PLA2G15: variants seen among roughly 807,000 people sequenced by gnomAD.
The protein encoded by PLA2G15 is phospholipase A2 group XV.
In PLA2G15, 20 loss-of-function variants were observed where a neutral mutation model predicts 40.9. The ratio of observed to expected loss-of-function variants is 0.49; its 90% CI spans 0.34 to 0.71. The LOEUF (loss-of-function observed/expected upper bound fraction) is 0.71, where lower values mean the gene tolerates loss of function less well. Among genes scored for constraint, PLA2G15 ranks in the 30% least tolerant of loss-of-function variants. The pLI, the probability that PLA2G15 is intolerant of heterozygous loss-of-function variation, is 0.01. For synonymous variants in PLA2G15, 223 were observed against 228.2 expected, an observed-to-expected ratio of 0.98 and a Z score of 0.21; for missense variants, 471 against 541.9, an observed-to-expected ratio of 0.87 and a Z score of 1.30.
chr16:68,251,932 T>C (rs546497648), intron 2 of PLA2G15, among the ~76,000 whole-genome samples: 2 of 151,860 alleles, frequency 1.3e-5, no homozygotes, highest in South Asian at 4.2e-4. Context: ...CTGCCGGCTG[T>C]TTGTGATGCC....
intron 2 of PLA2G15, chr16:68,250,186 T>C: frequency 3.9e-6 from 1 of 255,632 alleles, no homozygotes; most frequent in Non-Finnish European, 7.8e-6. Context: ...TTTTTTTTTT[T>C]TTTTTTTTTT....
In PLA2G15 at chr16:68,245,526, G is replaced by A. The variant is rs1158031139; in HGVS notation, c.100G>A (p.Ala34Thr). Residue 34 changes from alanine (A) to threonine (T), a missense_variant, in exon 1 of 6, where the codon GCC (alanine) becomes ACC (threonine). Coordinates refer to ENST00000219345, the MANE Select transcript of PLA2G15 (RefSeq NM_012320.4). The stretch of plus-strand genomic sequence containing the variant: ...GCTGCTCGCGGACCCAGCGCTCCCG[G>A]CCGGACGTCACCCCCCAGTGGTGCT... ...LMLLADPALP[A>T]GRHPPVVLVP... is the part of the protein sequence containing the mutation. 5.0e-6 allele frequency: 8 copies of A among 1,592,056 alleles called. No individual in the cohort carries two copies. Among genetic ancestry groups the A allele is most frequent in the Non-Finnish European group, 6.0e-6 (7 of 1,174,094 alleles).
rs148885583 is a variant in PLA2G15 at position 68,255,891 on chromosome 16, C to T, written c.628C>T (p.Arg210Trp). The change falls in exon 5 of 6, where the codon CGG (arginine) becomes TGG (tryptophan). Residue 210 changes from arginine to tryptophan, a missense_variant. Coordinates refer to ENST00000219345, the MANE Select transcript of PLA2G15 (RefSeq NM_012320.4). The surrounding 1 kb of genome is among the most constrained non-coding windows in gnomAD (Gnocchi z 5.9). The stretch of plus-strand genomic sequence containing the variant: ...CATGTACACGCTCTACTTTCTGCAG[C>T]GGCAGCCGCAGGCCTGGAAGGACAA... ...GNMYTLYFLQ[R>W]QPQAWKDKYI... 266 of 1,613,490 alleles carry T rather than the reference C, an allele frequency of 1.6e-4. No homozygotes were observed. The highest frequency in any genetic ancestry group is 3.3e-4 in the South Asian group (30 of 91,084).
chr16:68,260,682 G>A lies in PLA2G15; in HGVS notation c.*1025G>A, dbSNP rs2042440630. On this transcript the variant is annotated 3_prime_UTR_variant, in exon 6 of 6. Coordinates refer to ENST00000219345, the MANE Select transcript of PLA2G15 (RefSeq NM_012320.4). Reference sequence around the variant, plus strand: ...AGCACCCAGCTTAGTGCTGGGACTAGCCCAGAAACTTGAATGGGACCCTGA... The same window carrying A: ...AGCACCCAGCTTAGTGCTGGGACTAACCCAGAAACTTGAATGGGACCCTGA... 1 of 152,358 alleles carries A rather than the reference G, an allele frequency of 6.6e-6. No individual in the cohort carries two copies. The highest frequency in any genetic ancestry group is 1.5e-5 in the Non-Finnish European group (1 of 68,140). 9.4% of individuals were successfully genotyped at this position (152,358 alleles called of 1,614,324 possible). A position where few individuals can be genotyped will look rare whatever the true frequency, so the allele number is the denominator to read the frequency against.
In PLA2G15 at chr16:68,255,346, C is replaced by G; in HGVS notation, c.468C>G (p.Val156=). The G allele has an allele frequency of 1.9e-6, 3 of 1,613,314 alleles. No homozygotes were observed. The highest frequency in any genetic ancestry group is 2.5e-6 in the Non-Finnish European group (3 of 1,179,618). The change falls in exon 4 of 6, where the codon GTC becomes GTG. Residue 156 remains valine (V), a synonymous_variant. Transcript: ENST00000219345. This position sits in a 1 kb window ranked among gnomAD's most constrained non-coding sequence, Gnocchi z 5.9. ...GGGGCTACACACGGGGTGAGGATGTCCGAGGGGCTCCCTATGACTGGCGCC... is the reference window on the plus strand; with the variant it reads ...GGGGCTACACACGGGGTGAGGATGTGCGAGGGGCTCCCTATGACTGGCGCC... ...VGWGYTRGED[V]RGAPYDWRRA...
At chr16:68,256,303 G>A (rs150354309) in intron 5 of PLA2G15, 26 of 270,916 alleles carry the variant, frequency 9.6e-5, no homozygotes, top group African/African-American at 4.2e-4. Context: ...GGGCGACTCC[G>A]ATGCGATGTG....
chr16:68,246,524 G>C (rs1394776494), intron 1 of PLA2G15, among the ~76,000 whole-genome samples: 1 of 152,216 alleles, frequency 6.6e-6, no homozygotes, highest in Non-Finnish European at 1.5e-5. Flanking sequence ...GGTAGAGTTG[G>C]CAGGTAGGGT....
Position 68,248,699 on chromosome 16 carries a change from A to G in PLA2G15, c.128-591A>G, listed in dbSNP as rs747769539. ...CCTGCGCCCTGCCTCGAAGGTATAT[A>G]TCTAATGACAAGGGCCTTGGCCAAA... On this transcript the variant is annotated intron_variant, in intron 1 of 5. Coordinates refer to ENST00000219345, the MANE Select transcript of PLA2G15 (RefSeq NM_012320.4). 2.2e-5 allele frequency: 22 copies of G among 994,174 alleles called. No individual in the cohort carries two copies. The South Asian group carries it at 6.4e-4, about 29-fold the overall frequency. The allele number at this position is 994,174 out of a possible 1,614,324, so 61.6% of individuals were successfully genotyped here. A position where few individuals can be genotyped will look rare whatever the true frequency, so the allele number is the denominator to read the frequency against.
Position 68,256,878 on chromosome 16 carries a change from A to ATT in PLA2G15, c.727+903_727+904dup, listed in dbSNP as rs759192096. Among the ~76,000 whole-genome samples, 120 of 133,488 alleles carry ATT rather than the reference A, an allele frequency of 9.0e-4. 1 individual carries two copies. In the Middle Eastern group the frequency reaches 0.022, roughly 25 times the overall value. 87.6% of individuals were successfully genotyped at this position (133,488 alleles called of 152,430 possible). On this transcript the variant is annotated intron_variant, in intron 5 of 5. Coordinates refer to ENST00000219345, the MANE Select transcript of PLA2G15 (RefSeq NM_012320.4). ...CACCGCAGAGGAGGAAGGCTAGAGC[A>ATT]TTTTTTTTTTTTTTTTGGAGGCAGG... is the stretch of plus-strand genomic sequence containing the variant.
intron 2 of PLA2G15, 64 bp from the exon 3 acceptor site, chr16:68,254,855 C>G (rs903782970): frequency 6.1e-5 from 61 of 996,054 alleles, no homozygotes; most frequent in Non-Finnish European, 8.3e-5. Context: ...ACATGATGCA[C>G]TGTTGGGACA....
intron 5 of PLA2G15, among the ~76,000 whole-genome samples, chr16:68,257,005 C>T (rs1225208467): frequency 4.6e-5 from 7 of 151,896 alleles, no homozygotes; most frequent in African/African-American, 9.7e-5. Flanking sequence ...CTCAGCCTCC[C>T]GGGTAACTGG....
At position 68,246,328 on chromosome 16, in the gene PLA2G15, TG is replaced by T. The variant is rs1567570933; in HGVS notation, c.127+781del. Among the ~76,000 whole-genome samples, 4 of 152,294 alleles carry T rather than the reference TG, an allele frequency of 2.6e-5. No homozygotes were observed. The South Asian group carries it at 6.2e-4, about 24-fold the overall frequency. On this transcript the variant is annotated intron_variant, in intron 1 of 5. Coordinates refer to ENST00000219345, the MANE Select transcript of PLA2G15 (RefSeq NM_012320.4). ...GATGGGCAGGGATGAGACCTCTGTC[TG>T]GGGGGCCTTGGGTGCCTCATTGAGG... is the stretch of plus-strand genomic sequence containing the variant.
chr16:68,249,870 G>C (rs889335077), intron 2 of PLA2G15, among the ~76,000 whole-genome samples: 1 of 151,978 alleles, frequency 6.6e-6, no homozygotes, highest in Non-Finnish European at 1.5e-5. Context: ...AGTGGAGATG[G>C]TGTTTCACCA....
chr16:68,249,814 G>C (rs2042338971), intron 2 of PLA2G15, among the ~76,000 whole-genome samples: 1 of 152,150 alleles, frequency 6.6e-6, no homozygotes, highest in Non-Finnish European at 1.5e-5. Flanking sequence ...AAGTAGCTGG[G>C]ATTACAGGTG....
At chr16:68,254,112 G>A (rs1051344951) in intron 2 of PLA2G15, among the ~76,000 whole-genome samples, 4 of 152,056 alleles carry the variant, frequency 2.6e-5, no homozygotes, top group Non-Finnish European at 5.9e-5. Flanking sequence ...CTGCCTCTTG[G>A]GGTCCAGTGT....
rs146570398 is a variant in PLA2G15, at chr16:68,255,676, C to G, written c.503-90C>G. 1,272 of 1,067,326 alleles carry G rather than the reference C, an allele frequency of 1.2e-3. 15 individuals carry two copies. The African/African-American group carries it at 0.017, about 14-fold the overall frequency. The allele number at this position is 1,067,326 out of a possible 1,614,324, so 66.1% of individuals were successfully genotyped here. ...TTGAATGTGAGCACCCTCCCCTCCC[C>G]CTCTCGTCTTGTGTCTGGCCTGAGA... On this transcript the variant is annotated intron_variant, in intron 4 of 5. Coordinates refer to ENST00000219345, the MANE Select transcript of PLA2G15 (RefSeq NM_012320.4). This position sits in a 1 kb window ranked among gnomAD's most constrained non-coding sequence, Gnocchi z 5.9.
rs1336906189 is a variant in PLA2G15, at chr16:68,255,965, C to G, written c.702C>G (p.Ala234=). Residue 234 remains alanine, a synonymous_variant, in exon 5 of 6, where the codon GCC becomes GCG. Transcript: ENST00000219345. The surrounding 1 kb of genome is among the most constrained non-coding windows in gnomAD (Gnocchi z 5.9). The part of the protein sequence containing the change: ...VSLGAPWGGV[A]KTLRVLASGD... ...TGGGTGCGCCCTGGGGGGGCGTGGC[C>G]AAGACCCTGCGCGTCCTGGCTTCAG... The G allele has an allele frequency of 6.2e-7, 1 of 1,608,522 alleles. No homozygotes were observed. The highest frequency in any genetic ancestry group is 1.1e-5 in the South Asian group (1 of 90,838).
At chr16:68,251,667 A>G (rs2042355494) in intron 2 of PLA2G15, among the ~76,000 whole-genome samples, 1 of 151,834 alleles carries the variant, frequency 6.6e-6, no homozygotes. Context: ...AGGTGACAGT[A>G]CAAGACTCCA....
At position 68,259,434 on chromosome 16, in the gene PLA2G15, C is replaced by T; in HGVS notation, c.1016C>T (p.Pro339Leu). 6.2e-7 allele frequency: 1 copy of T among 1,613,984 alleles called. No individual in the cohort carries two copies. ...CTCTATGGTACTGGCGTCCCCACAC[C>T]AGACTCCTTCTACTATGAGAGCTTC... is the stretch of plus-strand genomic sequence containing the variant. Reference protein sequence around the residue: ...HCLYGTGVPTPDSFYYESFPD... With the variant: ...HCLYGTGVPTLDSFYYESFPD... Residue 339 changes from proline (P) to leucine (L), a missense_variant, in exon 6 of 6, where the codon CCA becomes CTA. By Grantham distance (98) the Pro-to-Leu change is moderately conservative. Coordinates refer to ENST00000219345, the MANE Select transcript of PLA2G15 (RefSeq NM_012320.4). This position sits in a 1 kb window ranked among gnomAD's most constrained non-coding sequence, Gnocchi z 6.5.
Sources: gnomAD v4.1 joint callset for allele counts (sites outside exome capture counted in the v4.1 genomes callset) on GRCh38, gnomAD v4.1.1 for gene constraint, Gnocchi (gnomAD v3.1) non-coding constraint, MANE v1.5 for transcripts, NCBI Gene and HGNC (gene_info 2026-07-23, HGNC 2026-07-21) for gene names.